Variants in PRIM2 observed in about 807,000 individuals in gnomAD.
PRIM2 encodes DNA primase large subunit.
In PRIM2, 39 loss-of-function variants were observed where a neutral mutation model predicts 67.3. That is an observed-to-expected ratio of 0.58 (90% CI 0.45 to 0.76). PRIM2 has a LOEUF of 0.76. Among genes scored for constraint, PRIM2 ranks in the 30% least tolerant of loss-of-function variants. The pLI, the probability that PRIM2 is intolerant of heterozygous loss-of-function variation, is 0.00. For synonymous variants in PRIM2, 143 were observed against 198.7 expected, an observed-to-expected ratio of 0.72 and a Z score of 2.36; for missense variants, 398 against 598.7, an observed-to-expected ratio of 0.66 and a Z score of 3.50.
intron 7 of PRIM2, among the ~76,000 whole-genome samples, chr6:57,435,551 T>C (rs1287961667): frequency 6.6e-6 from 1 of 152,206 alleles, no homozygotes; most frequent in Non-Finnish European, 1.5e-5. Flanking sequence ...AAGTATGGAC[T>C]TCTGAAATAT....
intron 11 of PRIM2, among the ~76,000 whole-genome samples, chr6:57,602,890 G>T (rs1243865819): frequency 2.0e-5 from 3 of 152,168 alleles, no homozygotes; most frequent in Admixed American, 6.5e-5. Context: ...GCAAAATCGT[G>T]TGGGAAGTTC....
the PRIM2 span, among the ~76,000 whole-genome samples, chr6:57,280,729 G>A: frequency 0.28 from 42,372 of 151,860 alleles, 6,602 homozygotes; most frequent in East Asian, 0.61. Flanking sequence ...GGCTGGTCTC[G>A]AACTCCTGAC....
rs1158188964 is a variant in PRIM2 at position 57,474,173 on chromosome 6, C to CTTTTTTTTTT, written c.694-33193_694-33184dup. ...TCTACTTTTTCTGCAATTCTGCTAT[C>CTTTTTTTTTT]TTTTTTTTTTTTTTTTTTTTTTTTT... is the stretch of plus-strand genomic sequence containing the variant. On this transcript the variant is annotated intron_variant, in intron 7 of 13. Coordinates refer to ENST00000615550, the MANE Select transcript of PRIM2 (RefSeq NM_000947.5). Among the ~76,000 whole-genome samples the CTTTTTTTTTT allele has an allele frequency of 1.9e-4, 12 of 63,970 alleles. 2 individuals carry two copies. Among genetic ancestry groups the CTTTTTTTTTT allele is most frequent in the Non-Finnish European group, 2.7e-4 (10 of 37,390 alleles). The allele number at this position is 63,970 out of a possible 152,430, so 42.0% of individuals were successfully genotyped here.
At chr6:57,520,513 C>T (rs1774588110) in intron 8 of PRIM2, among the ~76,000 whole-genome samples, 1 of 152,066 alleles carries the variant, frequency 6.6e-6, no homozygotes, top group African/African-American at 2.4e-5. Flanking sequence ...AGTAAAGGAA[C>T]ATAAAATTTT....
At chr6:57,302,568 AGGCATAAC>A in the PRIM2 span, among the ~76,000 whole-genome samples, 2 of 152,336 alleles carry the variant, frequency 1.3e-5, no homozygotes, top group South Asian at 4.1e-4. Context: ...AGCCTCTCAA[AGGCATAAC>A]TACTAAAGCA....
intron 7 of PRIM2, among the ~76,000 whole-genome samples, chr6:57,504,978 T>G (rs1306144715): frequency 6.6e-6 from 1 of 152,234 alleles, no homozygotes; most frequent in Non-Finnish European, 1.5e-5. Flanking sequence ...GTGTTGCAAG[T>G]GCTAGGGATG....
chr6:57,556,464 G>A (rs1247174794), intron 10 of PRIM2, among the ~76,000 whole-genome samples: 1 of 152,066 alleles, frequency 6.6e-6, no homozygotes, highest in Non-Finnish European at 1.5e-5. Flanking sequence ...GAACAGAATA[G>A]AAAGCCCAGA....
chr6:57,392,704 T>TG (rs1311834088), intron 7 of PRIM2, among the ~76,000 whole-genome samples: 3 of 152,106 alleles, frequency 2.0e-5, no homozygotes, highest in East Asian at 1.9e-4. Context: ...CATAAGTTAT[T>TG]GGGGTACGGG....
intron 10 of PRIM2, among the ~76,000 whole-genome samples, chr6:57,573,399 A>G (rs1328069363): frequency 6.6e-5 from 10 of 152,124 alleles, no homozygotes; most frequent in Non-Finnish European, 1.2e-4. Context: ...TCAGATTTGC[A>G]TAGTCATCCT....
intron 7 of PRIM2, among the ~76,000 whole-genome samples, chr6:57,399,699 C>G (rs1454075754): frequency 6.6e-6 from 1 of 152,034 alleles, no homozygotes; most frequent in Non-Finnish European, 1.5e-5. Flanking sequence ...CTCTCCAGCA[C>G]CTGTTGTTTC....
chr6:57,464,737 A>G (rs1177256971), intron 7 of PRIM2, among the ~76,000 whole-genome samples: 1 of 152,188 alleles, frequency 6.6e-6, no homozygotes, highest in Non-Finnish European at 1.5e-5. Context: ...GATATTTATT[A>G]TGTACTTCCT....
At chr6:57,388,726 G>C (rs372037444) in intron 7 of PRIM2, among the ~76,000 whole-genome samples, 1 of 152,084 alleles carries the variant, frequency 6.6e-6, no homozygotes, top group African/African-American at 2.4e-5. Context: ...TTATTAGGGG[G>C]TGATGCCTTT....
At chr6:57,480,580 C>T (rs1464970581) in intron 7 of PRIM2, among the ~76,000 whole-genome samples, 2 of 152,120 alleles carry the variant, frequency 1.3e-5, no homozygotes, top group Non-Finnish European at 2.9e-5. Context: ...TCCAACTCCC[C>T]ACCTCCTATG....
At chr6:57,631,708 G>T (rs1777039885) in intron 12 of PRIM2, among the ~76,000 whole-genome samples, 1 of 152,086 alleles carries the variant, frequency 6.6e-6, no homozygotes, top group African/African-American at 2.4e-5. Flanking sequence ...AACCATTAAC[G>T]TGGAAAATAA....
chr6:57,439,668 G>T (rs1337371981), intron 7 of PRIM2, among the ~76,000 whole-genome samples: 1 of 151,880 alleles, frequency 6.6e-6, no homozygotes, highest in East Asian at 1.9e-4. Flanking sequence ...ACCCTCCTTG[G>T]CCTCCCGAAG....
At chr6:57,406,032 A>G (rs1165571073) in intron 7 of PRIM2, among the ~76,000 whole-genome samples, 1 of 152,220 alleles carries the variant, frequency 6.6e-6, no homozygotes, top group Non-Finnish European at 1.5e-5. Flanking sequence ...CCAGGTAAAG[A>G]GGCAGCACAG....
At chr6:57,467,325 G>A (rs1773228229) in intron 7 of PRIM2, among the ~76,000 whole-genome samples, 1 of 151,686 alleles carries the variant, frequency 6.6e-6, no homozygotes, top group South Asian at 2.1e-4. Flanking sequence ...AAGGGGTCCA[G>A]TTTCAGTTTT....
chr6:57,300,983 A>G, the PRIM2 span, among the ~76,000 whole-genome samples: 1 of 152,290 alleles, frequency 6.6e-6, no homozygotes, highest in Non-Finnish European at 1.5e-5. Flanking sequence ...AGGGCTATTT[A>G]TTTATTTTTG....
chr6:57,446,433 T>TTTTTTTTTTTTTA (rs1772369420), intron 7 of PRIM2, among the ~76,000 whole-genome samples: 2 of 143,408 alleles, frequency 1.4e-5, no homozygotes, highest in African/African-American at 5.2e-5. Flanking sequence ...TTTTTTTTTT[T>TTTTTTTTTTTTTA]GAGACAGTCT....
Sources: allele counts gnomAD v4.1 joint callset (sites outside exome capture counted in the v4.1 genomes callset), GRCh38; gene constraint gnomAD v4.1.1; transcripts MANE v1.5; gene names NCBI Gene and HGNC (gene_info 2026-07-23, HGNC 2026-07-21).